Variants in ZNF609 observed in about 807,000 individuals in gnomAD.
ZNF609 encodes zinc finger protein 609.
ZNF609 carries 11 observed loss-of-function variants against 109.5 expected under a neutral mutation model. That is an observed-to-expected ratio of 0.10 (90% CI 0.06 to 0.17). The LOEUF (loss-of-function observed/expected upper bound fraction) is 0.17. Ranked by LOEUF, ZNF609 falls within the 10% of genes least tolerant of loss-of-function variation. The pLI is 1.00. For missense variants in ZNF609, 1,559 were observed against 1,772.4 expected (o/e 0.88, Z 2.16); for synonymous variants, 646 against 662.0 (o/e 0.98, Z 0.37).
chr15:64,544,840 T>A (rs1480434005), intron 2 of ZNF609, among the ~76,000 whole-genome samples: 2 of 152,222 alleles, frequency 1.3e-5, no homozygotes, highest in Admixed American at 1.3e-4. Context: ...GCGTTTGGTT[T>A]TCAGTCTCTG....
intron 2 of ZNF609, among the ~76,000 whole-genome samples, chr15:64,534,134 C>T (rs1158591698): frequency 6.6e-6 from 1 of 151,706 alleles, no homozygotes; most frequent in African/African-American, 2.4e-5. Flanking sequence ...CCCTCAGCCT[C>T]CCGAGTAGCT....
rs1352216887 is a variant in ZNF609, at chr15:64,674,750, G to A, written c.1896G>A (p.Met632Ile). 3.1e-6 allele frequency: 5 copies of A among 1,613,906 alleles called. No individual in the cohort carries two copies. Among genetic ancestry groups the A allele is most frequent in the Non-Finnish European group, 4.2e-6 (5 of 1,179,988 alleles). The change falls in exon 5 of 10, where the codon ATG becomes ATA. Residue 632 changes from methionine to isoleucine, a missense_variant. Physicochemically the swap from Met to Ile is conservative, Grantham distance 10. Transcript: ENST00000326648. Reference protein sequence around the residue: ...DAFDSLERKCMEKEKCKKPSS... With the variant: ...DAFDSLERKCIEKEKCKKPSS... ...TTGATTCTTTAGAAAGGAAGTGTAT[G>A]GAAAAAGAAAAATGTAAAAAACCCT... is the stretch of plus-strand genomic sequence containing the variant.
At chr15:64,503,869 C>A (rs979087105) in intron 2 of ZNF609, among the ~76,000 whole-genome samples, 3 of 152,230 alleles carry the variant, frequency 2.0e-5, no homozygotes, top group Non-Finnish European at 4.4e-5. Flanking sequence ...CTTTCAACTT[C>A]TGATCATGCA....
chr15:64,670,238 G>GT (rs1373131476), intron 3 of ZNF609, 108 bp from the exon 4 acceptor site: 5 of 854,776 alleles, frequency 5.8e-6, no homozygotes, highest in Non-Finnish European at 9.9e-6. Flanking sequence ...GGTACCCAGA[G>GT]TACCTCCTAA....
intron 2 of ZNF609, among the ~76,000 whole-genome samples, chr15:64,579,797 C>T (rs72742931): frequency 0.048 from 7,318 of 152,092 alleles, 237 homozygotes; most frequent in South Asian, 0.086. Context: ...GTATACCCAT[C>T]AACACATATT....
chr15:64,570,565 C>CTAATTATA (rs1184741626), intron 2 of ZNF609, among the ~76,000 whole-genome samples: 99 of 152,214 alleles, frequency 6.5e-4, no homozygotes, highest in African/African-American at 2.3e-3. Context: ...TTTAAGCCTT[C>CTAATTATA]TAATTATATT....
intron 2 of ZNF609, among the ~76,000 whole-genome samples, chr15:64,607,983 C>T (rs554348549): frequency 6.7e-6 from 1 of 149,752 alleles, no homozygotes; most frequent in East Asian, 2.0e-4. Context: ...ACTGCAACCC[C>T]CTCCTCCTGG....
chr15:64,549,219 T>C (rs1264284555), intron 2 of ZNF609, among the ~76,000 whole-genome samples: 3 of 152,286 alleles, frequency 2.0e-5, no homozygotes, highest in Non-Finnish European at 2.9e-5. Context: ...AGACGGAGTT[T>C]AGCTCTTGTA....
intron 3 of ZNF609, among the ~76,000 whole-genome samples, chr15:64,666,212 G>A (rs955724915): frequency 6.6e-5 from 10 of 151,808 alleles, no homozygotes; most frequent in African/African-American, 2.4e-4. Context: ...TGGCCAACAT[G>A]GTATAACCCT....
At chr15:64,609,120 CTTTCTTTCTTTT>C (rs1895669690) in intron 2 of ZNF609, among the ~76,000 whole-genome samples, 2 of 29,858 alleles carry the variant, frequency 6.7e-5, no homozygotes, top group South Asian at 5.2e-4. Flanking sequence ...TTCTTTCTTT[CTTTCTTTCTTTT>C]TTTCTTTCTT....
chr15:64,624,475 T>G (rs1895922293), intron 3 of ZNF609, among the ~76,000 whole-genome samples: 1 of 152,036 alleles, frequency 6.6e-6, no homozygotes, highest in African/African-American at 2.4e-5. Flanking sequence ...GAAGATAGAA[T>G]AAATCGATTT....
At chr15:64,550,324 A>ATTGTTG (rs35706760) in intron 2 of ZNF609, among the ~76,000 whole-genome samples, 221 of 150,966 alleles carry the variant, frequency 1.5e-3, no homozygotes, top group African/African-American at 4.9e-3. Context: ...TGTTGTTGTT[A>ATTGTTG]TTGTTGTTGT....
At chr15:64,489,979 G>A (rs1316757695) in intron 1 of ZNF609, among the ~76,000 whole-genome samples, 1 of 151,856 alleles carries the variant, frequency 6.6e-6, no homozygotes, top group African/African-American at 2.4e-5. Context: ...ACTTGTTTGA[G>A]ACAGCACCTC....
At chr15:64,642,182 GT>G (rs1382671000) in intron 3 of ZNF609, among the ~76,000 whole-genome samples, 1 of 152,012 alleles carries the variant, frequency 6.6e-6, no homozygotes, top group Non-Finnish European at 1.5e-5. Context: ...TTTTTGGTTT[GT>G]TTTTGTTTTT....
chr15:64,607,688 A>G (rs751351378), intron 2 of ZNF609, among the ~76,000 whole-genome samples: 11 of 151,396 alleles, frequency 7.3e-5, no homozygotes, highest in Non-Finnish European at 1.0e-4. Context: ...TATTTTTAGT[A>G]CTGACGGGGT....
Position 64,682,285 on chromosome 15 carries a change from A to C in ZNF609, c.*599A>C, listed in dbSNP as rs2083214730. 1 of 152,770 alleles carries C rather than the reference A, an allele frequency of 6.5e-6. No individual in the cohort carries two copies. The highest frequency in any genetic ancestry group is 1.9e-4 in the East Asian group (1 of 5,188). 9.5% of individuals were successfully genotyped at this position (152,770 alleles called of 1,614,324 possible). ...GTGAAAACAAGGTCTTCAAATGTGG[A>C]GACTTCTCCCCATTTACATGAGCAC... On this transcript the variant is annotated 3_prime_UTR_variant, in exon 10 of 10. Transcript: ENST00000326648.
chr15:64,649,129 T>C (rs1272915255), intron 3 of ZNF609, among the ~76,000 whole-genome samples: 1 of 151,992 alleles, frequency 6.6e-6, no homozygotes, highest in Non-Finnish European at 1.5e-5. Context: ...GTGACTGTTA[T>C]CTCCAGATGA....
chr15:64,657,038 C>T (rs1201614940), intron 3 of ZNF609, among the ~76,000 whole-genome samples: 1 of 152,066 alleles, frequency 6.6e-6, no homozygotes, highest in African/African-American at 2.4e-5. Flanking sequence ...GCAGACAGAT[C>T]ACTTAAGGCC....
chr15:64,474,194 C>T (rs1390941830), intron 1 of ZNF609, among the ~76,000 whole-genome samples: 3 of 151,430 alleles, frequency 2.0e-5, no homozygotes, highest in Non-Finnish European at 4.4e-5. Flanking sequence ...AGGCGTGAGC[C>T]ACCACACCTG....
Sources: allele counts gnomAD v4.1 joint callset (sites outside exome capture counted in the v4.1 genomes callset), GRCh38; gene constraint gnomAD v4.1.1; transcripts MANE v1.5; gene names NCBI Gene and HGNC (gene_info 2026-07-23, HGNC 2026-07-21).